The following ADAM28 variants were observed in gnomAD, a reference collection of about 807,000 sequenced individuals.
The protein encoded by ADAM28 is disintegrin and metalloproteinase domain-containing protein 28.
ADAM28 carries 105 observed loss-of-function variants against 101.2 expected under a neutral mutation model. That is an observed-to-expected ratio of 1.04 (90% CI 0.89 to 1.22). ADAM28 has a LOEUF of 1.22. ADAM28 is among the 50% of genes most tolerant of loss of function. The pLI, the probability that ADAM28 is intolerant of heterozygous loss-of-function variation, is 0.00. For missense variants in ADAM28, 1,028 were observed against 945.4 expected (o/e 1.09, Z -1.15); for synonymous variants, 322 against 310.6 (o/e 1.04, Z -0.39).
At position 24,335,555 on chromosome 8, in the gene ADAM28, G is replaced by T. The variant is rs892008783; in HGVS notation, c.1481G>T (p.Gly494Val). The change falls in exon 14 of 23, where the codon GGC becomes GTC. Residue 494 changes from glycine to valine, a missense_variant. Coordinates refer to ENST00000265769, the MANE Select transcript of ADAM28 (RefSeq NM_014265.6). ...NCPDDRFQVN[G>V]FPCHHGKGHC... is the part of the protein sequence containing the mutation. ...CCTGATGATAGATTCCAAGTCAATG[G>T]CTTCCCTTGCCATCACGGGAAGGGC... 1 of 1,614,004 alleles carries T rather than the reference G, an allele frequency of 6.2e-7. No homozygotes were observed. The highest frequency in any genetic ancestry group is 8.5e-7 in the Non-Finnish European group (1 of 1,179,972).
intron 11 of ADAM28, 127 bp downstream of exon 11, chr8:24,330,242 C>T (rs1813196046): frequency 9.1e-7 from 1 of 1,101,878 alleles, no homozygotes; most frequent in African/African-American, 1.6e-5. Flanking sequence ...GCATTTGTGC[C>T]AAGCCACCTC....
rs1416812062 is a variant in ADAM28, at chr8:24,302,166, GA to G, written c.150+2091del. 2.6e-5 allele frequency among the ~76,000 whole-genome samples: 4 copies of G among 152,126 alleles called. No homozygotes were observed. In the East Asian group the frequency reaches 7.7e-4, roughly 29 times the overall value. On this transcript the variant is annotated intron_variant, in intron 2 of 22. Transcript: ENST00000265769. ...CCACGTGTTCTCATTGTTCAGCTCTGAATTATAAGTGAGAACATGTGGTGTT... is the reference window on the plus strand; with the variant it reads ...CCACGTGTTCTCATTGTTCAGCTCTGATTATAAGTGAGAACATGTGGTGTT...
At chr8:24,347,572 C>G (rs1349676413) in intron 18 of ADAM28, among the ~76,000 whole-genome samples, 2 of 152,052 alleles carry the variant, frequency 1.3e-5, no homozygotes, top group Non-Finnish European at 2.9e-5. Flanking sequence ...TAAATTAAGC[C>G]TAACATTGTT....
At chr8:24,329,816 C>A (rs182039243) in intron 10 of ADAM28, among the ~76,000 whole-genome samples, 169 bp from the exon 11 acceptor site, 2 of 151,438 alleles carry the variant, frequency 1.3e-5, no homozygotes, top group Admixed American at 6.6e-5. Flanking sequence ...GATGGGCATT[C>A]AGTTCCATTT....
At chr8:24,298,989 C>T (rs924433979) in intron 1 of ADAM28, among the ~76,000 whole-genome samples, 10 of 149,618 alleles carry the variant, frequency 6.7e-5, no homozygotes, top group Admixed American at 6.0e-4. Flanking sequence ...CCTGGGATTT[C>T]AAGACCAGCC....
rs781091686 is a variant in ADAM28, at chr8:24,321,224, A to G, written c.655A>G (p.Arg219Gly). 2.5e-6 allele frequency: 4 copies of G among 1,596,850 alleles called. No homozygotes were observed. The highest frequency in any genetic ancestry group is 3.4e-6 in the Non-Finnish European group (4 of 1,165,438). The change falls in exon 8 of 23, where the codon AGG (arginine) becomes GGG (glycine). Residue 219 changes from arginine (R) to glycine (G), a missense_variant. Physicochemically the swap from Arg to Gly is moderately radical, Grantham distance 125 (BLOSUM62 -2). Coordinates refer to ENST00000265769, the MANE Select transcript of ADAM28 (RefSeq NM_014265.6). ...YLVLDNGEFK[R>G]YNENQDEIRK... is the part of the protein sequence containing the mutation. ...TTCTTAATTTTTCTTTTAGTTTAAA[A>G]GGTACAATGAGAATCAAGATGAGAT...
intron 6 of ADAM28, among the ~76,000 whole-genome samples, chr8:24,314,953 A>T (rs1246871353): frequency 2.6e-5 from 4 of 151,344 alleles, no homozygotes; most frequent in Non-Finnish European, 5.9e-5. Flanking sequence ...AGCAGATACA[A>T]ATGATAATGA....
chr8:24,320,245 G>C lies in ADAM28; in HGVS notation c.586G>C (p.Asp196His), dbSNP rs763503422. The part of the protein sequence containing the change: ...LPATKLVKLK[D>H]RKVQEHEKYI... ...ACTCTTTATATTTCAGAAATTGAAAGACAGGAAGGTTCAGGAACATGAGAA... is the reference window on the plus strand; with the variant it reads ...ACTCTTTATATTTCAGAAATTGAAACACAGGAAGGTTCAGGAACATGAGAA... Residue 196 changes from aspartate to histidine, a missense_variant, in exon 7 of 23, where the codon GAC (aspartate) becomes CAC (histidine). By Grantham distance (81) the Asp-to-His change is moderately conservative. Transcript: ENST00000265769. 1 of 1,596,208 alleles carries C rather than the reference G, an allele frequency of 6.3e-7. No homozygotes were observed. Among genetic ancestry groups the C allele is most frequent in the Non-Finnish European group, 8.6e-7 (1 of 1,166,818 alleles).
intron 3 of ADAM28, 54 bp downstream of exon 3, chr8:24,310,024 A>T: frequency 6.7e-7 from 1 of 1,485,466 alleles, no homozygotes; most frequent in Non-Finnish European, 9.4e-7. Flanking sequence ...CAGCCTATGG[A>T]GAGTGTGCTG....
chr8:24,330,176 T>G (rs1245457126), intron 11 of ADAM28, 61 bp downstream of exon 11: 4 of 1,537,074 alleles, frequency 2.6e-6, no homozygotes, highest in Non-Finnish European at 3.5e-6. Flanking sequence ...CACTGTGGGC[T>G]GTACTACTTT....
At chr8:24,311,840 G>T (rs1810499505) in intron 5 of ADAM28, among the ~76,000 whole-genome samples, 1 of 152,084 alleles carries the variant, frequency 6.6e-6, no homozygotes, top group South Asian at 2.1e-4. Context: ...CTGGGTTCAA[G>T]TGATTCTCCT....
At position 24,355,304 on chromosome 8, in the gene ADAM28, C is replaced by T. The variant is rs1816605963; in HGVS notation, c.*900C>T. The T allele has an allele frequency of 6.6e-6, 1 of 152,122 alleles. No homozygotes were observed. Among genetic ancestry groups the T allele is most frequent in the Non-Finnish European group, 1.5e-5 (1 of 67,986 alleles). The allele number at this position is 152,122 out of a possible 1,614,324, so 9.4% of individuals were successfully genotyped here. A position where few individuals can be genotyped will look rare whatever the true frequency, so the allele number is the denominator to read the frequency against. On this transcript the variant is annotated 3_prime_UTR_variant, in exon 23 of 23. Coordinates refer to ENST00000265769, the MANE Select transcript of ADAM28 (RefSeq NM_014265.6). ...CTTAGTTGATGGGTAATGTAGCAAA[C>T]ACTATTGGTTTCCTACCAAATAATC...
At chr8:24,312,809 C>T (rs2129270594) in intron 5 of ADAM28, among the ~76,000 whole-genome samples, 1 of 152,108 alleles carries the variant, frequency 6.6e-6, no homozygotes, top group Non-Finnish European at 1.5e-5. Flanking sequence ...GTTGAATGAA[C>T]CCTGGTTCAA....
chr8:24,343,895 T>C (rs1815095966), intron 18 of ADAM28, among the ~76,000 whole-genome samples: 1 of 152,248 alleles, frequency 6.6e-6, no homozygotes, highest in South Asian at 2.1e-4. Flanking sequence ...TGGAAAAATG[T>C]AATATCCTCA....
At position 24,311,329 on chromosome 8, in the gene ADAM28, T is replaced by C. The variant is rs746530612; in HGVS notation, c.307-32T>C. 1.4e-5 allele frequency: 22 copies of C among 1,572,728 alleles called. No individual in the cohort carries two copies. In the South Asian group the frequency reaches 1.5e-4, roughly 11 times the overall value. ...TAGCAGCGGTGCTAAAATTCACATGTACTTCTCTTTACAAAACCCCTTTTC... is the reference window on the plus strand; with the variant it reads ...TAGCAGCGGTGCTAAAATTCACATGCACTTCTCTTTACAAAACCCCTTTTC... On this transcript the variant is annotated intron_variant, in intron 4 of 22. Transcript: ENST00000265769.
At chr8:24,342,533 A>C (rs543418604) in intron 16 of ADAM28, among the ~76,000 whole-genome samples, 7 of 152,164 alleles carry the variant, frequency 4.6e-5, no homozygotes, top group Non-Finnish European at 7.4e-5. Context: ...TGCCTATAAG[A>C]AGTACCCACA....
chr8:24,303,566 C>T (rs777496600), intron 2 of ADAM28, among the ~76,000 whole-genome samples: 17 of 151,994 alleles, frequency 1.1e-4, no homozygotes, highest in African/African-American at 1.2e-4. Context: ...CCTTGAAGTC[C>T]GGTAGTATAA....
chr8:24,306,251 G>T (rs1809593550), intron 2 of ADAM28, among the ~76,000 whole-genome samples: 1 of 151,004 alleles, frequency 6.6e-6, no homozygotes, highest in South Asian at 2.1e-4. Flanking sequence ...GCTGAGGCAG[G>T]AGAATCACTT....
Position 24,313,425 on chromosome 8 carries a change from G to T in ADAM28, c.421G>T (p.Glu141Ter). ...FSQGDQRYFI[E>*]PLSPIHRDGQ... ...TCAGGGGGATCAAAGATACTTTATTGAACCTTTAAGCCCCATACATCGGGA... is the reference window on the plus strand; with the variant it reads ...TCAGGGGGATCAAAGATACTTTATTTAACCTTTAAGCCCCATACATCGGGA... The change falls in exon 6 of 23, where the codon GAA becomes TAA. Residue 141 changes from glutamate (E) to a stop codon, truncating the protein, a stop_gained. Transcript: ENST00000265769. LOFTEE classifies it high-confidence loss of function. 6.2e-7 allele frequency: 1 copy of T among 1,612,740 alleles called. No homozygotes were observed. Among genetic ancestry groups the T allele is most frequent in the South Asian group, 1.1e-5 (1 of 90,782 alleles).
Sources: allele counts gnomAD v4.1 joint callset (sites outside exome capture counted in the v4.1 genomes callset), GRCh38; gene constraint gnomAD v4.1.1; transcripts MANE v1.5; gene names NCBI Gene and HGNC (gene_info 2026-07-23, HGNC 2026-07-21).